FAM98A: variants seen among roughly 807,000 people sequenced by gnomAD.
The protein encoded by FAM98A is protein FAM98A.
A neutral mutation model predicts 62.9 loss-of-function variants in FAM98A; 25 were observed. The ratio of observed to expected loss-of-function variants is 0.40; its 90% confidence interval spans 0.29 to 0.56. The LOEUF (loss-of-function observed/expected upper bound fraction) is 0.56, where lower values mean the gene tolerates loss of function less well. Among genes scored for constraint, FAM98A ranks in the 20% least tolerant of loss-of-function variants. The probability of loss-of-function intolerance (pLI) is 0.51; values close to 1 mark genes in which losing one functional copy is unlikely to be tolerated. For missense variants in FAM98A, 653 were observed against 640.7 expected, an observed-to-expected ratio of 1.02 and a Z score of -0.21; for synonymous variants, 252 against 228.6, an observed-to-expected ratio of 1.10 and a Z score of -0.92.
Position 33,592,159 on chromosome 2 carries a change from C to A in FAM98A, c.258G>T (p.Met86Ile). 6 of 1,613,372 alleles carry A rather than the reference C, an allele frequency of 3.7e-6. No homozygotes were observed. The highest frequency in any genetic ancestry group is 5.1e-6 in the Non-Finnish European group (6 of 1,179,386). ...ATGTCAGTGAAAGATACGGGCAGTT[C>A]ATCTCCCCTAGTAGCCCACTCACCT... ...QLEVSGLLGE[M>I]NCPYLSLTSG... Residue 86 changes from methionine (M) to isoleucine (I), a missense_variant, in exon 3 of 8, where the codon ATG (methionine) becomes ATT (isoleucine). By Grantham distance (10) the Met-to-Ile change is conservative (BLOSUM62 1). Coordinates refer to ENST00000238823, the MANE Select transcript of FAM98A (RefSeq NM_015475.5).
In FAM98A at chr2:33,585,047, G is replaced by T; in HGVS notation, c.1286C>A (p.Ser429Tyr). Residue 429 changes from serine to tyrosine, a missense_variant, in exon 8 of 8, where the codon TCT (serine) becomes TAT (tyrosine). Coordinates refer to ENST00000238823, the MANE Select transcript of FAM98A (RefSeq NM_015475.5). ...GTATCCACTTCCTGTATATGAAGAA[G>T]ATGTTTGGAAGCCACCATAACCTCC... ...QGGGYGGFQT[S>Y]SSYTGSGYQG... 6.2e-7 allele frequency: 1 copy of T among 1,614,078 alleles called. No homozygotes were observed. Among genetic ancestry groups the T allele is most frequent in the Non-Finnish European group, 8.5e-7 (1 of 1,180,014 alleles).
intron 3 of FAM98A, among the ~76,000 whole-genome samples, chr2:33,590,687 T>C (rs1677653398): frequency 6.6e-6 from 1 of 152,196 alleles, no homozygotes; most frequent in African/African-American, 2.4e-5. Context: ...GAAAAGCATT[T>C]GAGGTGATGA....
chr2:33,598,106 G>A (rs1677855447), intron 1 of FAM98A, among the ~76,000 whole-genome samples: 2 of 152,176 alleles, frequency 1.3e-5, no homozygotes, highest in African/African-American at 4.8e-5. Context: ...TGATAAGCAA[G>A]ACTACTTCGT....
intron 4 of FAM98A, 55 bp from the exon 5 acceptor site, chr2:33,587,375 T>A (rs781722682): frequency 6.5e-6 from 8 of 1,235,504 alleles, no homozygotes; most frequent in Non-Finnish European, 9.5e-6. Context: ...AACATCCTCA[T>A]CTTCCCAATT....
Position 33,586,546 on chromosome 2 carries a change from A to G in FAM98A, c.720+16T>C, listed in dbSNP as rs764238712. On this transcript the variant is annotated intron_variant, in intron 6 of 7. Transcript: ENST00000238823. ...GTCTATAAATAGTCTGCTCTTTTAAATTATTTAATGTGTACCTTAGCTCTG... is the reference window on the plus strand; with the variant it reads ...GTCTATAAATAGTCTGCTCTTTTAAGTTATTTAATGTGTACCTTAGCTCTG... 1 of 1,500,936 alleles carries G rather than the reference A, an allele frequency of 6.7e-7. No homozygotes were observed. The highest frequency in any genetic ancestry group is 1.1e-5 in the South Asian group (1 of 88,464). 93.0% of individuals were successfully genotyped at this position (1,500,936 alleles called of 1,614,324 possible).
intron 5 of FAM98A, chr2:33,586,974 C>T (rs372446870): frequency 3.1e-5 from 16 of 514,894 alleles, no homozygotes; most frequent in East Asian, 1.5e-4. Flanking sequence ...CATTTGGCAA[C>T]GAGAAACATG....
rs192094312 is a variant in FAM98A, at chr2:33,597,053, G to C, written c.54-1416C>G. ...AAAAAATGAGATCACATGTAGTCTG[G>C]CATCTAGATTTATAAACTATGTATT... is the stretch of plus-strand genomic sequence containing the variant. On this transcript the variant is annotated intron_variant, in intron 1 of 7. Coordinates refer to ENST00000238823, the MANE Select transcript of FAM98A (RefSeq NM_015475.5). Among the ~76,000 whole-genome samples the C allele has an allele frequency of 1.8e-4, 28 of 152,092 alleles. No homozygotes were observed. In the East Asian group the frequency reaches 5.4e-3, roughly 29 times the overall value.
chr2:33,584,869 A>G lies in FAM98A; in HGVS notation c.1464T>C (p.Tyr488=), dbSNP rs1442233459. ...GCTGTTCAAATTGACCCCCTTGGTG[A>G]TAATTCTGGCTCCCTCTTCCTCCCC... The part of the protein sequence containing the change: ...GGWGGRGSQN[Y]HQGGQFEQHF... The change falls in exon 8 of 8, where the codon TAT becomes TAC. Residue 488 remains tyrosine (Y), a synonymous_variant. Coordinates refer to ENST00000238823, the MANE Select transcript of FAM98A (RefSeq NM_015475.5). 9.3e-6 allele frequency: 15 copies of G among 1,614,084 alleles called. No homozygotes were observed. Among genetic ancestry groups the G allele is most frequent in the Non-Finnish European group, 1.3e-5 (15 of 1,180,018 alleles).
intron 5 of FAM98A, chr2:33,587,017 C>T (rs1385919544): frequency 1.5e-5 from 8 of 535,122 alleles, no homozygotes; most frequent in East Asian, 2.9e-5. Flanking sequence ...CTTTTATCAG[C>T]TGTGTGAAAT....
In FAM98A at chr2:33,585,023, T is replaced by C. The variant is rs1382954422; in HGVS notation, c.1310A>G (p.Tyr437Cys). The C allele has an allele frequency of 2.5e-6, 4 of 1,614,138 alleles. No homozygotes were observed. The highest frequency in any genetic ancestry group is 3.4e-6 in the Non-Finnish European group (4 of 1,180,014). The change falls in exon 8 of 8, where the codon TAC becomes TGC. Residue 437 changes from tyrosine (Y) to cysteine (C), a missense_variant. Physicochemically the swap from Tyr to Cys is radical, Grantham distance 194. Coordinates refer to ENST00000238823, the MANE Select transcript of FAM98A (RefSeq NM_015475.5). ...QTSSSYTGSG[Y>C]QGGGYQQDNR... ...GTCCTGCTGGTAGCCACCACCCTGG[T>C]ATCCACTTCCTGTATATGAAGAAGA... is the stretch of plus-strand genomic sequence containing the variant.
chr2:33,585,268 T>C lies in FAM98A; in HGVS notation c.1065A>G (p.Glu355=). 2 of 1,614,106 alleles carry C rather than the reference T, an allele frequency of 1.2e-6. No individual in the cohort carries two copies. The highest frequency in any genetic ancestry group is 1.7e-5 in the Admixed American group (1 of 60,006). ...HSSYGGRGGH[E]QGGGRGGRGG... ...CACGTCCACCTCTCCCGCCTCCTTG[T>C]TCATGACCTCCTCGTCCTCCGTATG... Residue 355 remains glutamate (E), a synonymous_variant, in exon 8 of 8, where the codon GAA becomes GAG. Transcript: ENST00000238823.
chr2:33,584,483 G>T lies in FAM98A; in HGVS notation c.*293C>A. On this transcript the variant is annotated 3_prime_UTR_variant, in exon 8 of 8. Transcript: ENST00000238823. ...TCAAGTAATTTCTTCAAAAAAGTTT[G>T]CATGTTCTGACTGTGGAATTAGTCT... 2.8e-6 allele frequency: 1 copy of T among 363,388 alleles called. No homozygotes were observed. The highest frequency in any genetic ancestry group is 5.0e-6 in the Non-Finnish European group (1 of 201,998). 22.5% of individuals were successfully genotyped at this position (363,388 alleles called of 1,614,324 possible).
In FAM98A at chr2:33,599,276, G is replaced by A. The variant is rs1440510756; in HGVS notation, c.-55C>T. Reference sequence around the variant, plus strand: ...TCAGGCTCCCCTCTTCGCCGGCAACGCGTACACTCGCGCATGCGCGACTTC... The same window carrying A: ...TCAGGCTCCCCTCTTCGCCGGCAACACGTACACTCGCGCATGCGCGACTTC... On this transcript the variant is annotated 5_prime_UTR_variant, in exon 1 of 8. Coordinates refer to ENST00000238823, the MANE Select transcript of FAM98A (RefSeq NM_015475.5). 2 of 1,433,242 alleles carry A rather than the reference G, an allele frequency of 1.4e-6. No individual in the cohort carries two copies. The highest frequency in any genetic ancestry group is 1.7e-5 in the Admixed American group (1 of 59,756). The allele number at this position is 1,433,242 out of a possible 1,614,324, so 88.8% of individuals were successfully genotyped here.
At chr2:33,594,678 T>C (rs200958781) in intron 2 of FAM98A, among the ~76,000 whole-genome samples, 460 of 20,880 alleles carry the variant, frequency 0.022, 51 homozygotes, top group Non-Finnish European at 0.032. Context: ...CATATATATA[T>C]ACACACATAT....
chr2:33,593,827 T>C (rs971665958), intron 2 of FAM98A, among the ~76,000 whole-genome samples: 2 of 152,214 alleles, frequency 1.3e-5, no homozygotes, highest in African/African-American at 2.4e-5. Flanking sequence ...GAATACCTTC[T>C]AACCTGTTTT....
chr2:33,593,403 A>C (rs1378883540), intron 2 of FAM98A, among the ~76,000 whole-genome samples: 1 of 152,150 alleles, frequency 6.6e-6, no homozygotes, highest in Non-Finnish European at 1.5e-5. Context: ...GATCTTGTCT[A>C]AAAACAAACA....
intron 1 of FAM98A, 124 bp from the exon 2 acceptor site, chr2:33,595,761 T>G (rs1677798249): frequency 1.6e-6 from 1 of 609,538 alleles, no homozygotes; most frequent in Non-Finnish European, 2.6e-6. Flanking sequence ...GTACTTATCT[T>G]TATTTTAAAT....
intron 1 of FAM98A, 76 bp from the exon 2 acceptor site, chr2:33,595,713 C>T (rs1677797231): frequency 1.0e-6 from 1 of 998,584 alleles, no homozygotes; most frequent in Non-Finnish European, 1.4e-6. Flanking sequence ...ATATCTATGT[C>T]TTATTTATAT....
rs1318341519 is a variant in FAM98A at position 33,584,749 on chromosome 2, T to A, written c.*27A>T. On this transcript the variant is annotated 3_prime_UTR_variant, in exon 8 of 8. Transcript: ENST00000238823. ...GAAACTAAGTTTCTATTACTTGAGC[T>A]CTAGCAAAATGTAAGGTTCGGTAGC... The A allele has an allele frequency of 6.5e-7, 1 of 1,545,486 alleles. No individual in the cohort carries two copies.
Sources: allele counts gnomAD v4.1 joint callset (sites outside exome capture counted in the v4.1 genomes callset), GRCh38; gene constraint gnomAD v4.1.1; transcripts MANE v1.5; gene names NCBI Gene and HGNC (gene_info 2026-07-23, HGNC 2026-07-21).